SLC16A7: variants seen among roughly 807,000 people sequenced by gnomAD.
The protein encoded by SLC16A7 is solute carrier family 16 member 7.
In SLC16A7, 33 loss-of-function variants were observed where a neutral mutation model predicts 34.9. The ratio of observed to expected loss-of-function variants is 0.94; its 90% CI spans 0.72 to 1.26. SLC16A7 has a LOEUF of 1.26. SLC16A7 is among the 50% of genes most tolerant of loss of function. SLC16A7 has a pLI of 0.00. For missense variants in SLC16A7, 573 were observed against 578.1 expected (o/e 0.99, Z 0.09); for synonymous variants, 201 against 206.6 (o/e 0.97, Z 0.23).
intron 3 of SLC16A7, among the ~76,000 whole-genome samples, chr12:59,757,556 T>A (rs375852414): frequency 2.0e-5 from 3 of 152,130 alleles, no homozygotes; most frequent in South Asian, 2.1e-4. Flanking sequence ...TGGAAGAAGA[T>A]TAGTCCTCTA....
chr12:59,716,509 C>G (rs1265048400), intron 3 of SLC16A7, among the ~76,000 whole-genome samples: 1 of 152,114 alleles, frequency 6.6e-6, no homozygotes, highest in Non-Finnish European at 1.5e-5. Context: ...CCAATCTTCT[C>G]CCAGATAATC....
chr12:59,757,412 A>C (rs1415038980), intron 3 of SLC16A7, among the ~76,000 whole-genome samples: 2 of 152,188 alleles, frequency 1.3e-5, no homozygotes, highest in African/African-American at 2.4e-5. Context: ...TAAAAAAAGA[A>C]GACAAAGTAG....
chr12:59,631,216 A>G (rs1368467798), intron 1 of SLC16A7, among the ~76,000 whole-genome samples: 1 of 151,992 alleles, frequency 6.6e-6, no homozygotes, highest in Admixed American at 6.6e-5. Flanking sequence ...TAGCTCAGGC[A>G]AAGACATTGG....
intron 1 of SLC16A7, among the ~76,000 whole-genome samples, chr12:59,626,109 A>G (rs1186555969): frequency 1.3e-5 from 2 of 151,864 alleles, no homozygotes; most frequent in Non-Finnish European, 2.9e-5. Context: ...CAGTAGGTAC[A>G]ATTACAGATT....
At chr12:59,628,633 ATTC>A (rs1880037153) in intron 1 of SLC16A7, among the ~76,000 whole-genome samples, 1 of 151,570 alleles carries the variant, frequency 6.6e-6, no homozygotes. Flanking sequence ...AACACATCAT[ATTC>A]TTTGTGTGTG....
intron 3 of SLC16A7, among the ~76,000 whole-genome samples, chr12:59,736,492 C>T (rs191207445): frequency 1.7e-4 from 26 of 152,292 alleles, no homozygotes; most frequent in Non-Finnish European, 3.2e-4. Context: ...TCACTTTGGT[C>T]AGGCATCACT....
At chr12:59,734,697 C>A (rs1270169888) in intron 3 of SLC16A7, among the ~76,000 whole-genome samples, 2 of 152,198 alleles carry the variant, frequency 1.3e-5, no homozygotes, top group African/African-American at 4.8e-5. Flanking sequence ...GCCATTAGGA[C>A]CAAAAATAGT....
intron 5 of SLC16A7, among the ~76,000 whole-genome samples, chr12:59,777,325 T>C (rs182311283): frequency 1.3e-5 from 2 of 152,272 alleles, no homozygotes; most frequent in Admixed American, 1.3e-4. Flanking sequence ...GACTTTTAGA[T>C]TGGCTTCTTC....
chr12:59,645,438 T>C lies in SLC16A7; in HGVS notation c.-129-9714T>C, dbSNP rs141266128. ...ATGAGTTCTCACAAGATTTGATGGT[T>C]TTATAAGGGGCTTTCCCCTTTGCTT... On this transcript the variant is annotated intron_variant, in intron 1 of 5. Transcript: ENST00000547379. 2.6e-4 allele frequency among the ~76,000 whole-genome samples: 40 copies of C among 152,222 alleles called. No homozygotes were observed. In the East Asian group the frequency reaches 7.2e-3, roughly 27 times the overall value.
chr12:59,605,325 C>G (rs1030062204), intron 1 of SLC16A7, among the ~76,000 whole-genome samples: 3 of 152,080 alleles, frequency 2.0e-5, no homozygotes, highest in Non-Finnish European at 4.4e-5. Flanking sequence ...CAGTAGGGAC[C>G]GAAGGAACAG....
intron 3 of SLC16A7, among the ~76,000 whole-genome samples, chr12:59,721,241 C>A (rs925332651): frequency 1.3e-5 from 2 of 151,976 alleles, no homozygotes; most frequent in African/African-American, 4.8e-5. Context: ...AACTTCAATT[C>A]CTACTTCATT....
intron 2 of SLC16A7, among the ~76,000 whole-genome samples, chr12:59,680,008 G>A (rs1497474): frequency 0.32 from 49,196 of 151,872 alleles, 8,578 homozygotes; most frequent in African/African-American, 0.46. Flanking sequence ...AATCATTTTT[G>A]CAATGCTCAT....
At chr12:59,662,934 T>C (rs1293367794) in intron 2 of SLC16A7, among the ~76,000 whole-genome samples, 1 of 152,102 alleles carries the variant, frequency 6.6e-6, no homozygotes, top group African/African-American at 2.4e-5. Context: ...GAAAGATGAA[T>C]TCTACATTTA....
chr12:59,751,777 G>C (rs559581595), intron 3 of SLC16A7, among the ~76,000 whole-genome samples: 1 of 152,338 alleles, frequency 6.6e-6, no homozygotes, highest in Non-Finnish European at 1.5e-5. Context: ...TGCAGCTGGA[G>C]ATCTGAGATT....
intron 2 of SLC16A7, among the ~76,000 whole-genome samples, chr12:59,665,458 T>G (rs1458721408): frequency 1.3e-5 from 2 of 152,000 alleles, no homozygotes; most frequent in Non-Finnish European, 2.9e-5. Context: ...ATAGTAAAAA[T>G]TAATAGATTT....
In SLC16A7 at chr12:59,775,464, C is replaced by T; in HGVS notation, c.1169C>T (p.Pro390Leu). 1 of 1,612,192 alleles carries T rather than the reference C, an allele frequency of 6.2e-7. No individual in the cohort carries two copies. Among genetic ancestry groups the T allele is most frequent in the Non-Finnish European group, 8.5e-7 (1 of 1,178,528 alleles). The change falls in exon 5 of 6, where the codon CCT (proline) becomes CTT (leucine). Residue 390 changes from proline to leucine, a missense_variant. By Grantham distance (98) the Pro-to-Leu change is moderately conservative (BLOSUM62 -3). Coordinates refer to ENST00000547379, the MANE Select transcript of SLC16A7 (RefSeq NM_001270623.2). The part of the protein sequence containing the change: ...IVECGPVLLG[P>L]PLAGKLVDLT... Reference sequence around the variant, plus strand: ...GAGTGTGGCCCAGTTCTTCTTGGCCCTCCTCTTGCAGGTAAGAACGTTTTT... The same window carrying T: ...GAGTGTGGCCCAGTTCTTCTTGGCCTTCCTCTTGCAGGTAAGAACGTTTTT...
At chr12:59,752,014 T>C (rs554780178) in intron 3 of SLC16A7, among the ~76,000 whole-genome samples, 1 of 152,250 alleles carries the variant, frequency 6.6e-6, no homozygotes, top group Non-Finnish European at 1.5e-5. Flanking sequence ...AGTGGACCTC[T>C]AGCAAACTCC....
intron 3 of SLC16A7, among the ~76,000 whole-genome samples, chr12:59,749,436 C>CA (rs1221318626): frequency 6.6e-6 from 1 of 152,128 alleles, no homozygotes; most frequent in East Asian, 1.9e-4. Context: ...CTTGACCACC[C>CA]AAAACCCCAC....
At chr12:59,707,200 G>A (rs762446349) in intron 3 of SLC16A7, among the ~76,000 whole-genome samples, 2 of 151,976 alleles carry the variant, frequency 1.3e-5, no homozygotes, top group Admixed American at 1.3e-4. Flanking sequence ...CTCTTATACT[G>A]CCCTACCCAG....
Sources: gnomAD v4.1 joint callset for allele counts (sites outside exome capture counted in the v4.1 genomes callset) on GRCh38, gnomAD v4.1.1 for gene constraint, MANE v1.5 for transcripts, NCBI Gene and HGNC (gene_info 2026-07-23, HGNC 2026-07-21) for gene names.